FILIP1: variants seen among roughly 807,000 people sequenced by gnomAD.
The protein encoded by FILIP1 is filamin A interacting protein 1, also known as filamin-A-interacting protein 1.
FILIP1 carries 61 observed loss-of-function variants against 102.1 expected under a neutral mutation model. That is an observed-to-expected ratio of 0.60 (90% CI 0.49 to 0.74). The LOEUF (loss-of-function observed/expected upper bound fraction) is 0.74, where lower values mean the gene tolerates loss of function less well. Ranked by LOEUF, FILIP1 falls within the 30% of genes least tolerant of loss-of-function variation. The probability of loss-of-function intolerance (pLI) is 0.00; values close to 1 mark genes in which losing one functional copy is unlikely to be tolerated. For missense variants in FILIP1, 1,314 were observed against 1,441.2 expected (o/e 0.91, Z 1.43); for synonymous variants, 491 against 526.9 (o/e 0.93, Z 0.93).
intron 2 of FILIP1, among the ~76,000 whole-genome samples, chr6:75,394,574 C>T (rs1009230175): frequency 2.0e-5 from 3 of 152,038 alleles, no homozygotes; most frequent in Non-Finnish European, 4.4e-5. Context: ...ACAAAAAGCT[C>T]TCATTAATCA....
At chr6:75,419,951 C>A (rs913179740) in intron 1 of FILIP1, among the ~76,000 whole-genome samples, 1 of 152,098 alleles carries the variant, frequency 6.6e-6, no homozygotes, top group African/African-American at 2.4e-5. Context: ...CAACAAGCCA[C>A]GTAAAATATT....
At chr6:75,320,892 T>C (rs1773631002) in intron 4 of FILIP1, among the ~76,000 whole-genome samples, 1 of 152,216 alleles carries the variant, frequency 6.6e-6, no homozygotes, top group African/African-American at 2.4e-5. Flanking sequence ...TCCCTTACTA[T>C]CTGTCTACCT....
At chr6:75,294,313 C>G (rs1465503426) in exon 7 of FILIP1, 3 of 152,162 alleles carry the variant, frequency 2.0e-5, no homozygotes, top group African/African-American at 7.2e-5. Context: ...GAAGCATTCT[C>G]TCTTTAATTT....
At chr6:75,362,583 C>A (rs568756277) in intron 3 of FILIP1, among the ~76,000 whole-genome samples, 161 bp downstream of exon 3, 176 of 152,270 alleles carry the variant, frequency 1.2e-3, no homozygotes, top group African/African-American at 4.1e-3. Context: ...TGAAGCTTAT[C>A]CACTATAACC....
At chr6:75,443,658 C>T (rs760009774) in intron 1 of FILIP1, among the ~76,000 whole-genome samples, 10 of 152,150 alleles carry the variant, frequency 6.6e-5, no homozygotes, top group Non-Finnish European at 1.2e-4. Flanking sequence ...ATTCTGATTC[C>T]TCATTTCTCT....
At chr6:75,362,657 GAA>G (rs1775205238) in intron 3 of FILIP1, 85 bp downstream of exon 3, 4 of 1,391,630 alleles carry the variant, frequency 2.9e-6, no homozygotes, top group Admixed American at 4.2e-5. Context: ...GCCTTTGAAA[GAA>G]AATGTTAAAG....
At chr6:75,396,878 T>C (rs1444894274) in intron 2 of FILIP1, among the ~76,000 whole-genome samples, 1 of 152,038 alleles carries the variant, frequency 6.6e-6, no homozygotes, top group Admixed American at 6.6e-5. Context: ...GTAGTCAGTA[T>C]ACTGGGCACT....
At chr6:75,324,099 A>G in intron 4 of FILIP1, among the ~76,000 whole-genome samples, 1 of 152,216 alleles carries the variant, frequency 6.6e-6, no homozygotes, top group East Asian at 1.9e-4. Flanking sequence ...ACAGGAAGTC[A>G]AACTGTCAGT....
chr6:75,386,210 T>C (rs576212567), intron 2 of FILIP1: 5 of 152,308 alleles, frequency 3.3e-5, no homozygotes, highest in South Asian at 4.1e-4. Flanking sequence ...ATAATCGTGC[T>C]TCATCATCTC....
At chr6:75,444,554 C>CA (rs112304204) in intron 1 of FILIP1, among the ~76,000 whole-genome samples, 101,097 of 151,878 alleles carry the variant, frequency 0.67, 34,181 homozygotes, top group African/African-American at 0.77. Flanking sequence ...TTTACAACAT[C>CA]AAAAAAGGAC....
At chr6:75,319,585 C>A (rs1773571207) in intron 4 of FILIP1, 3 of 484,722 alleles carry the variant, frequency 6.2e-6, no homozygotes, top group Admixed American at 4.8e-5. Context: ...AATCCCAGCA[C>A]TTTGGGAGGC....
chr6:75,364,683 G>C (rs1365175569), intron 2 of FILIP1, among the ~76,000 whole-genome samples: 1 of 152,160 alleles, frequency 6.6e-6, no homozygotes, highest in Non-Finnish European at 1.5e-5. Flanking sequence ...TTTGGAGAAG[G>C]ACCTACACAT....
intron 1 of FILIP1, among the ~76,000 whole-genome samples, chr6:75,468,486 A>G (rs1174820757): frequency 1.3e-5 from 2 of 152,246 alleles, no homozygotes; most frequent in Non-Finnish European, 2.9e-5. Flanking sequence ...GATCTTTTAA[A>G]TAGAATACTC....
chr6:75,433,466 A>C (rs538951286), intron 1 of FILIP1, among the ~76,000 whole-genome samples: 3 of 152,290 alleles, frequency 2.0e-5, no homozygotes, highest in African/African-American at 7.2e-5. Context: ...TTGGCTGCAT[A>C]AATGTCTTCT....
chr6:75,471,313 C>A (rs1042411936), intron 1 of FILIP1, among the ~76,000 whole-genome samples: 2 of 151,662 alleles, frequency 1.3e-5, no homozygotes, highest in Non-Finnish European at 2.9e-5. Flanking sequence ...GGATTAGAAT[C>A]AATAAATCAT....
chr6:75,432,712 AG>A (rs1777867178), intron 1 of FILIP1, among the ~76,000 whole-genome samples: 1 of 152,026 alleles, frequency 6.6e-6, no homozygotes, highest in Non-Finnish European at 1.5e-5. Context: ...TTTAAGTTCT[AG>A]GGTACATGTG....
At chr6:75,357,065 C>T (rs1775027809) in intron 3 of FILIP1, 1 of 152,186 alleles carries the variant, frequency 6.6e-6, no homozygotes, top group South Asian at 2.1e-4. Flanking sequence ...CCCTACCCAA[C>T]TCCTCCCAAA....
chr6:75,485,929 G>A, intron 1 of FILIP1, among the ~76,000 whole-genome samples: 1 of 150,842 alleles, frequency 6.6e-6, no homozygotes, highest in East Asian at 1.9e-4. Flanking sequence ...CCTTTATGTG[G>A]AGCACCTTCT....
chr6:75,326,937 A>C (rs1773884745), intron 4 of FILIP1, among the ~76,000 whole-genome samples: 1 of 152,194 alleles, frequency 6.6e-6, no homozygotes, highest in Non-Finnish European at 1.5e-5. Flanking sequence ...TGTCAATGGC[A>C]AGATGACCCC....
Sources: allele counts gnomAD v4.1 joint callset (sites outside exome capture counted in the v4.1 genomes callset), GRCh38; gene constraint gnomAD v4.1.1; transcripts MANE v1.5; gene names NCBI Gene and HGNC (gene_info 2026-07-23, HGNC 2026-07-21).